RBFOX1: variants seen among roughly 807,000 people sequenced by gnomAD.
RBFOX1 encodes RNA binding fox-1 homolog 1.
Under a neutral mutation model 57.7 loss-of-function variants are expected in RBFOX1, and 8 were observed. The ratio of observed to expected loss-of-function variants is 0.14; its 90% CI spans 0.08 to 0.25. The LOEUF (loss-of-function observed/expected upper bound fraction) is 0.25, where lower values mean the gene tolerates loss of function less well. Ranked by LOEUF, RBFOX1 falls within the 10% of genes least tolerant of loss-of-function variation. The pLI is 1.00. For missense variants in RBFOX1, 611 were observed against 548.5 expected (o/e 1.11, Z -1.14); for synonymous variants, 326 against 222.4 (o/e 1.47, Z -4.15).
At chr16:6,194,184 C>G (rs1305676716) in intron 1 of RBFOX1, among the ~76,000 whole-genome samples, 1 of 152,138 alleles carries the variant, frequency 6.6e-6, no homozygotes, top group Non-Finnish European at 1.5e-5. Flanking sequence ...ACTTGTTGTT[C>G]AGGCTCTGCA....
chr16:5,615,059 G>A (rs950306104), intron 3 of RBFOX1, among the ~76,000 whole-genome samples: 1 of 152,116 alleles, frequency 6.6e-6, no homozygotes, highest in African/African-American at 2.4e-5. Flanking sequence ...TTTTGAGATG[G>A]GGTTTCACTC....
chr16:7,653,624 C>G (rs1314489809), intron 11 of RBFOX1, among the ~76,000 whole-genome samples, 191 bp from the exon 12 acceptor site: 1 of 152,224 alleles, frequency 6.6e-6, no homozygotes, highest in African/African-American at 2.4e-5. Context: ...GTGTTAACTA[C>G]TCATCCTCTC....
chr16:6,902,829 C>G (rs1055667181), intron 3 of RBFOX1, among the ~76,000 whole-genome samples: 4 of 152,178 alleles, frequency 2.6e-5, no homozygotes, highest in Non-Finnish European at 5.9e-5. Context: ...TGATTGTACA[C>G]TGTTTTCCAT....
chr16:7,263,678 A>G (rs925488239), intron 4 of RBFOX1, among the ~76,000 whole-genome samples: 1 of 151,952 alleles, frequency 6.6e-6, no homozygotes, highest in African/African-American at 2.4e-5. Context: ...GGTGGATTAC[A>G]TGAGGTCAGG....
chr16:7,321,398 G>A (rs1406357678), intron 4 of RBFOX1, among the ~76,000 whole-genome samples: 9 of 151,942 alleles, frequency 5.9e-5, no homozygotes, highest in East Asian at 3.9e-4. Context: ...CACCCTCCTC[G>A]GCCTCCCAAA....
intron 4 of RBFOX1, among the ~76,000 whole-genome samples, chr16:7,367,539 G>T (rs916300697): frequency 6.6e-6 from 1 of 152,142 alleles, no homozygotes; most frequent in Non-Finnish European, 1.5e-5. Flanking sequence ...TCTCTTCCAG[G>T]TTTGCATTCT....
chr16:7,207,156 G>C (rs147286598), intron 4 of RBFOX1, among the ~76,000 whole-genome samples: 169 of 152,282 alleles, frequency 1.1e-3, no homozygotes, highest in African/African-American at 4.0e-3. Context: ...AGCAAGAGGT[G>C]TACGCTGTAT....
chr16:6,724,344 G>A (rs2066682131), intron 3 of RBFOX1, among the ~76,000 whole-genome samples: 1 of 151,814 alleles, frequency 6.6e-6, no homozygotes. Flanking sequence ...CCAGTTGGTG[G>A]GATTACAGGT....
In RBFOX1 at chr16:7,221,734, C is replaced by T. The variant is rs546415714; in HGVS notation, c.27+169636C>T. On this transcript the variant is annotated intron_variant, in intron 4 of 15. Coordinates refer to ENST00000550418, the MANE Select transcript of RBFOX1 (RefSeq NM_018723.4). The stretch of plus-strand genomic sequence containing the variant: ...ACTTTTAAAAAGCACTTCAAAATTT[C>T]AGTGTGGTTATTCAATGGCCATCAA... 2.6e-5 allele frequency among the ~76,000 whole-genome samples: 4 copies of T among 152,306 alleles called. No homozygotes were observed. The South Asian group carries it at 8.3e-4, about 32-fold the overall frequency.
At chr16:7,446,072 G>T (rs1371815021) in intron 4 of RBFOX1, among the ~76,000 whole-genome samples, 2 of 152,158 alleles carry the variant, frequency 1.3e-5, no homozygotes, top group Non-Finnish European at 1.5e-5. Flanking sequence ...ACTCCATCTT[G>T]TCTGAGATCT....
At chr16:6,577,636 C>T (rs7185557) in intron 2 of RBFOX1, among the ~76,000 whole-genome samples, 24 of 152,204 alleles carry the variant, frequency 1.6e-4, no homozygotes, top group African/African-American at 5.5e-4. Context: ...TGGTTTTACT[C>T]TTAGGAACCC....
chr16:6,963,789 C>G (rs1004058662), intron 3 of RBFOX1, among the ~76,000 whole-genome samples: 1 of 151,842 alleles, frequency 6.6e-6, no homozygotes. Context: ...AGCTCCACCT[C>G]CCGGGTTCAT....
chr16:7,671,322 A>G (rs1375272451), intron 13 of RBFOX1, among the ~76,000 whole-genome samples: 1 of 152,208 alleles, frequency 6.6e-6, no homozygotes, highest in Non-Finnish European at 1.5e-5. Context: ...GTTATAACAC[A>G]AAGTGGTTTG....
intron 1 of RBFOX1, among the ~76,000 whole-genome samples, chr16:6,308,510 T>A (rs961867059): frequency 6.6e-6 from 1 of 152,224 alleles, no homozygotes; most frequent in Non-Finnish European, 1.5e-5. Context: ...GGACCCTAGT[T>A]TGCTGAGTGA....
intron 3 of RBFOX1, among the ~76,000 whole-genome samples, chr16:6,820,990 C>T (rs904670236): frequency 5.3e-5 from 8 of 152,286 alleles, no homozygotes; most frequent in African/African-American, 1.7e-4. Flanking sequence ...TATACAGTTA[C>T]TTGTAAGGGA....
chr16:5,853,163 G>A (rs2056939229), intron 3 of RBFOX1, among the ~76,000 whole-genome samples: 1 of 152,102 alleles, frequency 6.6e-6, no homozygotes, highest in African/African-American at 2.4e-5. Flanking sequence ...GCAGAGCAAG[G>A]AGGGAGTGGG....
intron 4 of RBFOX1, among the ~76,000 whole-genome samples, chr16:5,912,793 C>G (rs1418742581): frequency 6.6e-6 from 1 of 152,022 alleles, no homozygotes; most frequent in Admixed American, 6.6e-5. Flanking sequence ...GCAGAGTTGA[C>G]AGGAGATTAG....
At chr16:6,831,865 T>A (rs184299364) in intron 3 of RBFOX1, among the ~76,000 whole-genome samples, 1 of 152,272 alleles carries the variant, frequency 6.6e-6, no homozygotes, top group African/African-American at 2.4e-5. Flanking sequence ...GGAGCATCAT[T>A]TATGCAGTGA....
chr16:6,660,533 C>T (rs1261654592), intron 3 of RBFOX1, among the ~76,000 whole-genome samples: 1 of 152,178 alleles, frequency 6.6e-6, no homozygotes, highest in Non-Finnish European at 1.5e-5. Context: ...AGAGTCTGTA[C>T]ATAGCCTTTG....
Sources: gnomAD v4.1 joint callset for allele counts (sites outside exome capture counted in the v4.1 genomes callset) on GRCh38, gnomAD v4.1.1 for gene constraint, MANE v1.5 for transcripts, NCBI Gene and HGNC (gene_info 2026-07-23, HGNC 2026-07-21) for gene names.